Variants in PRUNE1 observed in about 807,000 individuals in gnomAD.
The protein encoded by PRUNE1 is exopolyphosphatase PRUNE1.
PRUNE1 carries 25 observed loss-of-function variants against 42.5 expected under a neutral mutation model. That is an observed-to-expected ratio of 0.59 (90% CI 0.43 to 0.82). The LOEUF (loss-of-function observed/expected upper bound fraction) is 0.82, where lower values mean the gene tolerates loss of function less well. Among genes scored for constraint, PRUNE1 ranks in the 40% least tolerant of loss-of-function variants. PRUNE1 has a pLI of 0.00. For missense variants in PRUNE1, 443 were observed against 539.3 expected (o/e 0.82, Z 1.77); for synonymous variants, 203 against 217.1 (o/e 0.93, Z 0.57).
chr1:151,021,495 G>A (rs1674436276), intron 3 of PRUNE1, among the ~76,000 whole-genome samples: 1 of 152,104 alleles, frequency 6.6e-6, no homozygotes, highest in Non-Finnish European at 1.5e-5. Flanking sequence ...TCTCAATAAT[G>A]TCTGTTTAAC....
chr1:151,015,891 G>A (rs771809905), intron 1 of PRUNE1, among the ~76,000 whole-genome samples: 1 of 152,126 alleles, frequency 6.6e-6, no homozygotes, highest in African/African-American at 2.4e-5. Flanking sequence ...TATTTAGTGT[G>A]TCTCATTTTG....
chr1:151,018,655 T>C lies in PRUNE1; in HGVS notation c.321T>C (p.His107=), dbSNP rs201886243. 2 of 1,613,928 alleles carry C rather than the reference T, an allele frequency of 1.2e-6. No homozygotes were observed. Among genetic ancestry groups the C allele is most frequent in the Non-Finnish European group, 1.7e-6 (2 of 1,179,814 alleles). The change falls in exon 3 of 8, where the codon CAT becomes CAC. Residue 107 remains histidine (H), a synonymous_variant. Coordinates refer to ENST00000271620, the MANE Select transcript of PRUNE1 (RefSeq NM_021222.3). ...AACTCACCCTCATCCTTGTCGACCA[T>C]CATATCTTATCCAAGTAAGCACAAG... ...AGQLTLILVD[H]HILSKSDTAL... is the part of the protein sequence containing the mutation.
In PRUNE1 at chr1:151,027,342, T is replaced by C; in HGVS notation, c.774+15T>C. Reference sequence around the variant, plus strand: ...TGGATTTGGAGGTAAGAGCAAGTTGTGGCTGTGGGTGGGGAGAGAAAGCCT... The same window carrying C: ...TGGATTTGGAGGTAAGAGCAAGTTGCGGCTGTGGGTGGGGAGAGAAAGCCT... On this transcript the variant is annotated intron_variant, in intron 6 of 7. Coordinates refer to ENST00000271620, the MANE Select transcript of PRUNE1 (RefSeq NM_021222.3). 1 of 1,564,336 alleles carries C rather than the reference T, an allele frequency of 6.4e-7. No homozygotes were observed. The highest frequency in any genetic ancestry group is 8.8e-7 in the Non-Finnish European group (1 of 1,135,674).
chr1:151,026,290 C>G (rs920535733), intron 5 of PRUNE1, among the ~76,000 whole-genome samples: 1 of 151,666 alleles, frequency 6.6e-6, no homozygotes, highest in African/African-American at 2.4e-5. Context: ...AACTCCGTTT[C>G]TACTAAAAAT....
intron 1 of PRUNE1, among the ~76,000 whole-genome samples, chr1:151,010,804 C>T (rs969398659): frequency 2.6e-5 from 4 of 151,178 alleles, no homozygotes; most frequent in Non-Finnish European, 4.4e-5. Context: ...TACAAGTGTG[C>T]GCCACTATGC....
Position 151,025,603 on chromosome 1 carries a change from C to T in PRUNE1, c.609C>T (p.Ala203=), listed in dbSNP as rs587737749. The change falls in exon 5 of 8, where the codon GCC becomes GCT. Residue 203 remains alanine (A), a synonymous_variant. Coordinates refer to ENST00000271620, the MANE Select transcript of PRUNE1 (RefSeq NM_021222.3). ...KDSKYVEKLE[A]LFPDLPKRND... is the part of the protein sequence containing the mutation. The stretch of plus-strand genomic sequence containing the variant: ...GCAAATATGTGGAGAAACTAGAGGC[C>T]CTTTTCCCAGACCTACCCAAGAGAA... 3 of 1,613,716 alleles carry T rather than the reference C, an allele frequency of 1.9e-6. No homozygotes were observed. The highest frequency in any genetic ancestry group is 2.2e-5 in the East Asian group (1 of 44,878).
rs890605784 is a variant in PRUNE1, at chr1:151,018,610, T to C, written c.276T>C (p.His92=). The change falls in exon 3 of 8, where the codon CAT becomes CAC. Residue 92 remains histidine (H), a synonymous_variant. Coordinates refer to ENST00000271620, the MANE Select transcript of PRUNE1 (RefSeq NM_021222.3). Reference sequence around the variant, plus strand: ...TTTTTCGGGATGAGATTGACCTCCATGCATTATACCAGGCTGGCCAACTCA... The same window carrying C: ...TTTTTCGGGATGAGATTGACCTCCACGCATTATACCAGGCTGGCCAACTCA... ...ILIFRDEIDL[H]ALYQAGQLTL... 6.8e-6 allele frequency: 11 copies of C among 1,614,226 alleles called. No individual in the cohort carries two copies. The highest frequency in any genetic ancestry group is 9.3e-6 in the Non-Finnish European group (11 of 1,180,032).
chr1:151,033,827 T>A lies in PRUNE1; in HGVS notation c.955T>A (p.Ser319Thr), dbSNP rs1218087142. Residue 319 changes from serine to threonine, a missense_variant, in exon 8 of 8, where the codon TCC becomes ACC. Transcript: ENST00000271620. ...QTTICEVLER[S>T]HSPPLKLTPA... ...TTAGATCTGTGAAGTCCTGGAACGC[T>A]CCCACTCTCCACCCCTGAAGCTGAC... is the stretch of plus-strand genomic sequence containing the variant. The A allele has an allele frequency of 6.2e-7, 1 of 1,613,910 alleles. No individual in the cohort carries two copies.
chr1:151,020,552 C>T (rs1233609132), intron 3 of PRUNE1, among the ~76,000 whole-genome samples: 2 of 151,882 alleles, frequency 1.3e-5, no homozygotes, highest in African/African-American at 4.8e-5. Context: ...TGCTTGAGCC[C>T]AGGAGTTCAA....
At chr1:151,023,590 C>T (rs369188189) in intron 3 of PRUNE1, among the ~76,000 whole-genome samples, 5 of 151,466 alleles carry the variant, frequency 3.3e-5, no homozygotes, top group African/African-American at 1.2e-4. Context: ...TGGTGGTGGG[C>T]GCCTGTACTC....
At chr1:151,030,613 G>A (rs187194698) in intron 7 of PRUNE1, among the ~76,000 whole-genome samples, 8 of 152,206 alleles carry the variant, frequency 5.3e-5, no homozygotes, top group African/African-American at 1.9e-4. Flanking sequence ...ACCTCAGCCT[G>A]TAGCTGGGAC....
At chr1:151,025,414 TCTC>T (rs1558084307) in intron 4 of PRUNE1, 98 bp from the exon 5 acceptor site, 9 of 1,202,368 alleles carry the variant, frequency 7.5e-6, no homozygotes, top group East Asian at 2.6e-5. Flanking sequence ...GCTATACAAA[TCTC>T]CTTGTGTGTG....
chr1:151,034,225 CAAG>C lies in PRUNE1; in HGVS notation c.1357_1359del (p.Lys453del). 1 of 1,607,978 alleles carries C rather than the reference CAAG, an allele frequency of 6.2e-7. No homozygotes were observed. The highest frequency in any genetic ancestry group is 8.5e-7 in the Non-Finnish European group (1 of 1,175,482). On this transcript the variant is annotated inframe_deletion, in exon 8 of 8. Coordinates refer to ENST00000271620, the MANE Select transcript of PRUNE1 (RefSeq NM_021222.3). ...CACAGTCTACCACAGCCTCCCTGTC[CAAG>C]AAGTGACTGTTGAGAGGCGAGGAGG...
Position 151,008,528 on chromosome 1 carries a change from C to A in PRUNE1, c.-105C>A. 1 of 1,438,832 alleles carries A rather than the reference C, an allele frequency of 7.0e-7. No homozygotes were observed. Among genetic ancestry groups the A allele is most frequent in the Non-Finnish European group, 9.8e-7 (1 of 1,021,650 alleles). The allele number at this position is 1,438,832 out of a possible 1,614,324, so 89.1% of individuals were successfully genotyped here. A position where few individuals can be genotyped will look rare whatever the true frequency, so the allele number is the denominator to read the frequency against. On this transcript the variant is annotated 5_prime_UTR_variant, in exon 1 of 8. Transcript: ENST00000271620. ...TCGAGTCCCGCCTCCTGACTCTGGC[C>A]TCTAGTCCCTGAGTCCCGGGCGGGC...
chr1:151,019,973 A>C (rs1674319678), intron 3 of PRUNE1, among the ~76,000 whole-genome samples: 1 of 150,948 alleles, frequency 6.6e-6, no homozygotes. Flanking sequence ...CTGGGATTAC[A>C]GGTGCGCGCC....
Position 151,018,621 on chromosome 1 carries a change from A to T in PRUNE1, c.287A>T (p.Gln96Leu). Residue 96 changes from glutamine (Q) to leucine (L), a missense_variant, in exon 3 of 8, where the codon CAG (glutamine) becomes CTG (leucine). Transcript: ENST00000271620. ...RDEIDLHALYQAGQLTLILVD... is the reference protein window; with the variant it reads ...RDEIDLHALYLAGQLTLILVD... ...GAGATTGACCTCCATGCATTATACCAGGCTGGCCAACTCACCCTCATCCTT... is the reference window on the plus strand; with the variant it reads ...GAGATTGACCTCCATGCATTATACCTGGCTGGCCAACTCACCCTCATCCTT... The T allele has an allele frequency of 6.2e-7, 1 of 1,614,210 alleles. No homozygotes were observed. The highest frequency in any genetic ancestry group is 1.1e-5 in the South Asian group (1 of 91,090).
intron 3 of PRUNE1, among the ~76,000 whole-genome samples, chr1:151,022,561 GGT>G (rs1491306924): frequency 4.6e-4 from 70 of 151,558 alleles, no homozygotes; most frequent in South Asian, 1.3e-3. Flanking sequence ...TGGGACTACA[GGT>G]GTGCCCGCCA....
chr1:151,024,951 T>C (rs1486913219), intron 4 of PRUNE1, among the ~76,000 whole-genome samples, 156 bp downstream of exon 4: 10 of 152,108 alleles, frequency 6.6e-5, no homozygotes, highest in Non-Finnish European at 1.5e-5. Context: ...CAATTGAGCA[T>C]GTGTTTAAAG....
chr1:151,024,499 A>G, intron 3 of PRUNE1, 112 bp from the exon 4 acceptor site: 1 of 1,092,694 alleles, frequency 9.2e-7, no homozygotes, highest in Admixed American at 2.2e-5. Flanking sequence ...CCGTCTCAAA[A>G]AAAAAAAGAC....
Sources: gnomAD v4.1 joint callset for allele counts (sites outside exome capture counted in the v4.1 genomes callset) on GRCh38, gnomAD v4.1.1 for gene constraint, MANE v1.5 for transcripts, NCBI Gene and HGNC (gene_info 2026-07-23, HGNC 2026-07-21) for gene names.